The following QRFPR variants were observed in gnomAD, a reference collection of about 807,000 sequenced individuals.
QRFPR encodes the protein pyroglutamylated RF-amide peptide receptor.
Under a neutral mutation model 31.3 loss-of-function variants are expected in QRFPR, and 37 were observed. The observed-to-expected ratio is 1.18, with a 90% CI of 0.91 to 1.56. QRFPR has a LOEUF of 1.56. QRFPR is among the 40% of genes most tolerant of loss of function. The pLI is 0.00. For missense variants in QRFPR, 542 were observed against 532.5 expected, an observed-to-expected ratio of 1.02 and a Z score of -0.18; for synonymous variants, 197 against 192.0, an observed-to-expected ratio of 1.03 and a Z score of -0.22.
chr4:121,355,794 A>G (rs545468563), intron 1 of QRFPR, among the ~76,000 whole-genome samples: 31 of 152,154 alleles, frequency 2.0e-4, no homozygotes, highest in African/African-American at 7.0e-4. Flanking sequence ...TTTAAAAAAA[A>G]CTTAAAAATT....
chr4:121,333,706 C>T (rs2110467061), intron 3 of QRFPR, among the ~76,000 whole-genome samples: 1 of 152,212 alleles, frequency 6.6e-6, no homozygotes, highest in Admixed American at 6.5e-5. Flanking sequence ...ATCTTATAAG[C>T]TCAAAAGTAT....
chr4:121,343,815 T>A (rs954098199), intron 1 of QRFPR, among the ~76,000 whole-genome samples: 1 of 152,218 alleles, frequency 6.6e-6, no homozygotes, highest in African/African-American at 2.4e-5. Context: ...TTTAGTGTTA[T>A]CTCATTATAG....
chr4:121,365,659 ATATATTTTATATATT>A (rs1560744313), intron 1 of QRFPR, among the ~76,000 whole-genome samples: 964 of 24,128 alleles, frequency 0.04, 90 homozygotes, highest in Non-Finnish European at 0.055. Context: ...TATATATTAT[ATATATTTTATATATT>A]ATATATATAT....
intron 5 of QRFPR, 65 bp downstream of exon 5, chr4:121,330,361 T>A: frequency 9.0e-7 from 1 of 1,112,680 alleles, no homozygotes; most frequent in South Asian, 1.3e-5. Flanking sequence ...ATTTCAAAGA[T>A]TCATTGTCTA....
At chr4:121,363,093 G>C (rs1453770053) in intron 1 of QRFPR, among the ~76,000 whole-genome samples, 2 of 149,930 alleles carry the variant, frequency 1.3e-5, no homozygotes, top group Non-Finnish European at 3.0e-5. Context: ...CAGCCCTTTG[G>C]GAGGCCAAGG....
chr4:121,358,171 C>T (rs1725905683), intron 1 of QRFPR, among the ~76,000 whole-genome samples: 1 of 152,046 alleles, frequency 6.6e-6, no homozygotes, highest in Admixed American at 6.6e-5. Flanking sequence ...AAAAGAAAAC[C>T]ATGCCTTAAA....
At chr4:121,372,125 A>G (rs1726259094) in intron 1 of QRFPR, among the ~76,000 whole-genome samples, 1 of 152,194 alleles carries the variant, frequency 6.6e-6, no homozygotes. Context: ...CACTCAACGG[A>G]AACCAAACGG....
chr4:121,377,043 A>G (rs2110486741), intron 1 of QRFPR, among the ~76,000 whole-genome samples: 1 of 152,356 alleles, frequency 6.6e-6, no homozygotes, highest in African/African-American at 2.4e-5. Context: ...TTTGAGAGAC[A>G]GGCAATGTAG....
chr4:121,353,598 A>G (rs993825581), intron 1 of QRFPR, among the ~76,000 whole-genome samples: 2 of 152,008 alleles, frequency 1.3e-5, no homozygotes, highest in Non-Finnish European at 2.9e-5. Context: ...AGCTCCTTCT[A>G]TATTCTAGTT....
chr4:121,344,012 A>C (rs1725597518), intron 1 of QRFPR, among the ~76,000 whole-genome samples: 1 of 152,238 alleles, frequency 6.6e-6, no homozygotes, highest in Non-Finnish European at 1.5e-5. Flanking sequence ...TGTATTTCAT[A>C]AAGTGACATA....
intron 1 of QRFPR, among the ~76,000 whole-genome samples, chr4:121,348,325 T>A (rs962710618): frequency 1.3e-5 from 2 of 152,220 alleles, no homozygotes; most frequent in Non-Finnish European, 2.9e-5. Context: ...GCATTAGCTA[T>A]TCTTATTATC....
intron 1 of QRFPR, among the ~76,000 whole-genome samples, chr4:121,364,573 G>A (rs11722208): frequency 0.17 from 25,400 of 148,476 alleles, 3,688 homozygotes; most frequent in Non-Finnish European, 0.25. Flanking sequence ...CTGGGAGGCG[G>A]AGCTTGCTGT....
chr4:121,355,015 T>C (rs1177298780), intron 1 of QRFPR, among the ~76,000 whole-genome samples: 1 of 152,116 alleles, frequency 6.6e-6, no homozygotes, highest in Non-Finnish European at 1.5e-5. Flanking sequence ...TCAAGGATAT[T>C]GGCCTGTAGT....
Position 121,380,290 on chromosome 4 carries a change from GC to G in QRFPR, c.340+17del. ...GGGTTAAGAGAGAAGGAGCGAAGGA[GC>G]GGGGCGCGACTCTTACCCCCCAGCC... On this transcript the variant is annotated intron_variant, in intron 1 of 5. Transcript: ENST00000394427. 6.3e-7 allele frequency: 1 copy of G among 1,584,636 alleles called. No individual in the cohort carries two copies. The highest frequency in any genetic ancestry group is 1.1e-5 in the South Asian group (1 of 89,354).
At position 121,365,601 on chromosome 4, in the gene QRFPR, TAATATATATA is replaced by T. The variant is rs1560744076; in HGVS notation, c.340+14697_340+14706del. On this transcript the variant is annotated intron_variant, in intron 1 of 5. Coordinates refer to ENST00000394427, the MANE Select transcript of QRFPR (RefSeq NM_198179.3). The stretch of plus-strand genomic sequence containing the variant: ...ATATATTATATATATTATATATATA[TAATATATATA>T]TTATATATATTATATATTATATATA... Among the ~76,000 whole-genome samples, 24 of 18,790 alleles carry T rather than the reference TAATATATATA, an allele frequency of 1.3e-3. 1 individual carries two copies. Among genetic ancestry groups the T allele is most frequent in the South Asian group, 5.6e-3 (4 of 710 alleles). The allele number at this position is 18,790 out of a possible 152,430, so 12.3% of individuals were successfully genotyped here.
At chr4:121,377,413 ATTT>A (rs10551009) in intron 1 of QRFPR, among the ~76,000 whole-genome samples, 25,132 of 138,454 alleles carry the variant, frequency 0.18, 2,630 homozygotes, top group Non-Finnish European at 0.25. Flanking sequence ...ATATATATAT[ATTT>A]TTTTTTTTTT....
intron 1 of QRFPR, among the ~76,000 whole-genome samples, chr4:121,376,752 G>A (rs1224829163): frequency 2.0e-5 from 3 of 152,296 alleles, no homozygotes; most frequent in East Asian, 1.9e-4. Flanking sequence ...TGGGGCTGGC[G>A]CAGGCCATTT....
chr4:121,347,848 T>C (rs1430608353), intron 1 of QRFPR, among the ~76,000 whole-genome samples: 1 of 152,156 alleles, frequency 6.6e-6, no homozygotes, highest in Non-Finnish European at 1.5e-5. Context: ...TTATTTACCA[T>C]GACTAATATT....
chr4:121,344,482 T>C (rs1725607264), intron 1 of QRFPR, among the ~76,000 whole-genome samples: 1 of 152,142 alleles, frequency 6.6e-6, no homozygotes, highest in African/African-American at 2.4e-5. Flanking sequence ...TCCAACCAGC[T>C]CTCTAAGAAA....
Sources: allele counts gnomAD v4.1 joint callset (sites outside exome capture counted in the v4.1 genomes callset), GRCh38; gene constraint gnomAD v4.1.1; transcripts MANE v1.5; gene names NCBI Gene and HGNC (gene_info 2026-07-23, HGNC 2026-07-21).